The following GCDH variants were observed in gnomAD, a reference collection of about 807,000 sequenced individuals.
GCDH encodes the protein glutaryl-CoA dehydrogenase, also known as glutaryl-CoA dehydrogenase, mitochondrial.
In GCDH, 31 loss-of-function variants were observed where a neutral mutation model predicts 52.8. The ratio of observed to expected loss-of-function variants is 0.59; its 90% CI spans 0.44 to 0.79. The LOEUF is 0.79. GCDH is among the 30% of genes least tolerant of loss of function. The pLI is 0.00. For synonymous variants in GCDH, 242 were observed against 250.0 expected (o/e 0.97, Z 0.30); for missense variants, 509 against 595.0 (o/e 0.86, Z 1.50).
At position 12,892,254 on chromosome 19, in the gene GCDH, T is replaced by A; in HGVS notation, c.334+76T>A. The A allele has an allele frequency of 5.1e-6, 6 of 1,183,618 alleles. No homozygotes were observed. The South Asian group carries it at 6.1e-5, about 12-fold the overall frequency. The allele number at this position is 1,183,618 out of a possible 1,614,324, so 73.3% of individuals were successfully genotyped here. On this transcript the variant is annotated intron_variant, in intron 5 of 11. Transcript: ENST00000222214. ...GCCTCTTCCTCCTTCCCTCCCTCCC[T>A]TTCTTCCTTCCTTCTCTTTCTTTTC...
chr19:12,894,511 G>A (rs1970630146), intron 6 of GCDH: 16 of 698,312 alleles, frequency 2.3e-5, no homozygotes, highest in African/African-American at 5.3e-5. Context: ...GACTGACTGA[G>A]ACTATGATGC....
intron 3 of GCDH, 21 bp downstream of exon 3, chr19:12,891,543 C>T (rs539354912): frequency 1.9e-6 from 3 of 1,614,118 alleles, no homozygotes; most frequent in Non-Finnish European, 2.5e-6. Flanking sequence ...CTGGTCGCAC[C>T]GTGTGTCTGC....
At position 12,896,804 on chromosome 19, in the gene GCDH, T is replaced by C; in HGVS notation, c.853-106T>C. On this transcript the variant is annotated intron_variant, in intron 8 of 11. Coordinates refer to ENST00000222214, the MANE Select transcript of GCDH (RefSeq NM_000159.4). This position sits in a 1 kb window ranked among gnomAD's most constrained non-coding sequence, Gnocchi z 5.5. ...ATGTGAACCACAACCTGAGTCCCCC[T>C]GCGTGGGGTGGCTGGGGAGGAGGCT... 1.3e-6 allele frequency: 1 copy of C among 782,036 alleles called. No homozygotes were observed. Among genetic ancestry groups the C allele is most frequent in the Non-Finnish European group, 2.2e-6 (1 of 449,978 alleles). 48.4% of individuals were successfully genotyped at this position (782,036 alleles called of 1,614,324 possible). A position where few individuals can be genotyped will look rare whatever the true frequency, so the allele number is the denominator to read the frequency against.
At chr19:12,894,913 CAAA>C (rs35759366) in intron 6 of GCDH, 192 of 175,692 alleles carry the variant, frequency 1.1e-3, no homozygotes, top group Middle Eastern at 3.9e-3. Flanking sequence ...ATCAGATTCG[CAAA>C]AAAAAAAAAA....
chr19:12,891,243 C>A, intron 1 of GCDH, 28 bp from the exon 2 acceptor site: 1 of 1,401,506 alleles, frequency 7.1e-7, no homozygotes, highest in Non-Finnish European at 9.9e-7. Flanking sequence ...GTGAGAGGAG[C>A]TCCGCTCTGA....
At position 12,897,848 on chromosome 19, in the gene GCDH, G is replaced by A. The variant is rs760155287; in HGVS notation, c.1228G>A (p.Val410Met). 10 of 1,613,658 alleles carry A rather than the reference G, an allele frequency of 6.2e-6. No individual in the cohort carries two copies. The highest frequency in any genetic ancestry group is 1.1e-5 in the South Asian group (1 of 91,068). ...VIRHAMNLEA[V>M]NTYEGTHDIH... ...CCGGCACGCCATGAACCTGGAGGCC[G>A]TGAACACCTACGAAGGTAGGAGCTG... Residue 410 changes from valine (V) to methionine (M), a missense_variant, in exon 11 of 12, where the codon GTG becomes ATG. Coordinates refer to ENST00000222214, the MANE Select transcript of GCDH (RefSeq NM_000159.4).
Position 12,899,539 on chromosome 19 carries a change from T to C in GCDH, c.1315T>C (p.Ter439ArgextTer27), listed in dbSNP as rs771126053. The change falls in exon 12 of 12, where the codon TGA becomes CGA. Residue 439 changes from the stop codon to arginine (R), a stop_lost. Coordinates refer to ENST00000222214, the MANE Select transcript of GCDH (RefSeq NM_000159.4). ...TGIQAFTASK[*>R] ...AATCCAGGCGTTCACGGCCAGCAAG[T>C]GAGCCGCTCCATCAGGGGCCCGAAA... The C allele has an allele frequency of 3.1e-6, 5 of 1,614,140 alleles. No individual in the cohort carries two copies. The highest frequency in any genetic ancestry group is 1.7e-5 in the Admixed American group (1 of 60,012).
chr19:12,895,944 G>T (rs1455894425), intron 6 of GCDH, 48 bp from the exon 7 acceptor site: 1 of 1,611,350 alleles, frequency 6.2e-7, no homozygotes, highest in Non-Finnish European at 8.5e-7. Context: ...TGAGTAAGGG[G>T]ATGTATCAGG....
chr19:12,893,390 C>T (rs1970600455), intron 5 of GCDH, 93 bp from the exon 6 acceptor site: 1 of 1,123,766 alleles, frequency 8.9e-7, no homozygotes, highest in African/African-American at 1.5e-5. Flanking sequence ...GTGCCTGCCT[C>T]CTTGTGTGTC....
rs1970789302 is a variant in GCDH at position 12,899,683 on chromosome 19, A to G, written c.*142A>G. ...GAGAGACACTGATTTTTAAATATCAAAATTTCCCTTCTGAAGTCGTTCAGA... is the reference window on the plus strand; with the variant it reads ...GAGAGACACTGATTTTTAAATATCAGAATTTCCCTTCTGAAGTCGTTCAGA... On this transcript the variant is annotated 3_prime_UTR_variant, in exon 12 of 12. Coordinates refer to ENST00000222214, the MANE Select transcript of GCDH (RefSeq NM_000159.4). The G allele has an allele frequency of 1.9e-6, 3 of 1,612,514 alleles. No individual in the cohort carries two copies. The highest frequency in any genetic ancestry group is 1.7e-4 in the Middle Eastern group (1 of 6,052).
intron 4 of GCDH, 61 bp from the exon 5 acceptor site, chr19:12,892,039 AGGCCCCTCTGTCCTTG>A: frequency 1.2e-6 from 2 of 1,613,362 alleles, no homozygotes; most frequent in Non-Finnish European, 8.5e-7. Flanking sequence ...CCCCACCTCA[AGGCCCCTCTGTCCTTG>A]GGGCTGGGGC....
intron 11 of GCDH, chr19:12,898,383 A>C: frequency 1.8e-5 from 3 of 167,564 alleles, no homozygotes; most frequent in Admixed American, 5.6e-5. Context: ...AAAAGTGCAA[A>C]CCCAGCATGC....
chr19:12,898,020 TACTC>T (rs1482885995), intron 11 of GCDH, 157 bp downstream of exon 11: 4 of 686,146 alleles, frequency 5.8e-6, no homozygotes, highest in African/African-American at 3.5e-5. Context: ...CATCTGGAGT[TACTC>T]ACATGGGGAC....
intron 6 of GCDH, 48 bp downstream of exon 6, chr19:12,893,701 G>T: frequency 6.5e-7 from 1 of 1,538,268 alleles, no homozygotes; most frequent in Non-Finnish European, 9.0e-7. Flanking sequence ...AGTCTCTGAG[G>T]TCTGGAACTC....
Position 12,896,025 on chromosome 19 carries a change from C to T in GCDH, c.539C>T (p.Thr180Ile), listed in dbSNP as rs1568427430. Residue 180 changes from threonine to isoleucine, a missense_variant, in exon 7 of 12, where the codon ACA (threonine) becomes ATA (isoleucine). Coordinates refer to ENST00000222214, the MANE Select transcript of GCDH (RefSeq NM_000159.4). This position sits in a 1 kb window ranked among gnomAD's most constrained non-coding sequence, Gnocchi z 5.5. The stretch of plus-strand genomic sequence containing the variant: ...GAGCTCCTGGGCTGCTTCGGGCTCA[C>T]AGAGCCCAACAGCGGAAGTGACCCC... ...KGELLGCFGLTEPNSGSDPSS... is the reference protein window; with the variant it reads ...KGELLGCFGLIEPNSGSDPSS... 2 of 1,613,982 alleles carry T rather than the reference C, an allele frequency of 1.2e-6. No individual in the cohort carries two copies. The highest frequency in any genetic ancestry group is 1.3e-5 in the African/African-American group (1 of 75,022).
rs575325364 is a variant in GCDH at position 12,896,257 on chromosome 19, G to A, written c.688G>A (p.Asp230Asn). ...GTTTGTAGTGTGGGCTCGGTGTGAAGATGGCTGCATTCGGGGCTTCCTGCT... is the reference window on the plus strand; with the variant it reads ...GTTTGTAGTGTGGGCTCGGTGTGAAAATGGCTGCATTCGGGGCTTCCTGCT... The part of the protein sequence containing the change: ...DLFVVWARCE[D>N]GCIRGFLLEK... The change falls in exon 8 of 12, where the codon GAT (aspartate) becomes AAT (asparagine). Residue 230 changes from aspartate (D) to asparagine (N), a missense_variant. By Grantham distance (23) the Asp-to-Asn change is conservative. Coordinates refer to ENST00000222214, the MANE Select transcript of GCDH (RefSeq NM_000159.4). This position sits in a 1 kb window ranked among gnomAD's most constrained non-coding sequence, Gnocchi z 5.5. 4.3e-6 allele frequency: 7 copies of A among 1,614,154 alleles called. No homozygotes were observed. Among genetic ancestry groups the A allele is most frequent in the African/African-American group, 2.7e-5 (2 of 75,020 alleles).
Position 12,896,309 on chromosome 19 carries a change from C to A in GCDH, c.740C>A (p.Ala247Asp). 6.2e-7 allele frequency: 1 copy of A among 1,613,960 alleles called. No individual in the cohort carries two copies. Among genetic ancestry groups the A allele is most frequent in the South Asian group, 1.1e-5 (1 of 91,078 alleles). Residue 247 changes from alanine to aspartate, a missense_variant, in exon 8 of 12, where the codon GCC (alanine) becomes GAC (aspartate). Transcript: ENST00000222214. The surrounding 1 kb of genome is among the most constrained non-coding windows in gnomAD (Gnocchi z 5.5). ...LLEKGMRGLSAPRIQGKFSLR... is the reference protein window; with the variant it reads ...LLEKGMRGLSDPRIQGKFSLR... ...GAGAAGGGGATGCGGGGTCTCTCGG[C>A]CCCCAGGATCCAGGGCAAGTTCTCG...
Position 12,896,197 on chromosome 19 carries a change from A to T in GCDH, c.636-8A>T. The T allele has an allele frequency of 6.2e-7, 1 of 1,614,150 alleles. No homozygotes were observed. The highest frequency in any genetic ancestry group is 8.5e-7 in the Non-Finnish European group (1 of 1,180,002). ...GGTCAGACCCCTCACCGACTGTTCC[A>T]TCCCCAGGATCACGAACTCGCCTAT... On this transcript the variant is annotated splice_region_variant and splice_polypyrimidine_tract_variant and intron_variant, in intron 7 of 11. Transcript: ENST00000222214. The surrounding 1 kb of genome is among the most constrained non-coding windows in gnomAD (Gnocchi z 5.5).
Position 12,896,337 on chromosome 19 carries a change from G to A in GCDH, c.768G>A (p.Leu256=), listed in dbSNP as rs1970679799. The A allele has an allele frequency of 1.9e-6, 3 of 1,614,078 alleles. No individual in the cohort carries two copies. Among genetic ancestry groups the A allele is most frequent in the Admixed American group, 1.7e-5 (1 of 60,002 alleles). Residue 256 remains leucine, a synonymous_variant, in exon 8 of 12, where the codon CTG becomes CTA. Transcript: ENST00000222214. This position sits in a 1 kb window ranked among gnomAD's most constrained non-coding sequence, Gnocchi z 5.5. ...CCAGGATCCAGGGCAAGTTCTCGCT[G>A]CGGGCCTCAGCCACAGGCATGATCA... ...SAPRIQGKFS[L]RASATGMIIM...
Sources: allele counts gnomAD v4.1 joint callset, GRCh38; gene constraint gnomAD v4.1.1; non-coding constraint Gnocchi (gnomAD v3.1); transcripts MANE v1.5; gene names NCBI Gene and HGNC (gene_info 2026-07-23, HGNC 2026-07-21).